The following SAMD12 variants were observed in gnomAD, a reference collection of about 807,000 sequenced individuals.
SAMD12 encodes sterile alpha motif domain containing 12.
Under a neutral mutation model 15.0 loss-of-function variants are expected in SAMD12, and 9 were observed. The ratio of observed to expected loss-of-function variants is 0.60; its 90% confidence interval spans 0.36 to 1.05. The LOEUF is 1.05. SAMD12 is among the 50% of genes least tolerant of loss of function. The pLI is 0.01. For missense variants in SAMD12, 230 were observed against 234.2 expected, an observed-to-expected ratio of 0.98 and a Z score of 0.12; for synonymous variants, 86 against 90.1, an observed-to-expected ratio of 0.96 and a Z score of 0.25.
At chr8:118,210,448 T>A (rs982284183) in intron 4 of SAMD12, among the ~76,000 whole-genome samples, 1 of 152,218 alleles carries the variant, frequency 6.6e-6, no homozygotes, top group Non-Finnish European at 1.5e-5. Flanking sequence ...TAAAGCAGTA[T>A]TCTTTGTACA....
chr8:118,401,539 TTC>T (rs1216039709), intron 3 of SAMD12, among the ~76,000 whole-genome samples: 1 of 116,198 alleles, frequency 8.6e-6, no homozygotes, highest in Non-Finnish European at 1.8e-5. Flanking sequence ...TCCCTTCTTC[TTC>T]TTTTTTTTTT....
At chr8:118,574,010 A>G (rs140329191) in intron 2 of SAMD12, among the ~76,000 whole-genome samples, 1 of 152,348 alleles carries the variant, frequency 6.6e-6, no homozygotes, top group Non-Finnish European at 1.5e-5. Flanking sequence ...TATATGCAGA[A>G]CATCAAACCA....
chr8:118,233,550 T>C (rs1361528536), intron 4 of SAMD12, among the ~76,000 whole-genome samples: 2 of 152,094 alleles, frequency 1.3e-5, no homozygotes, highest in Non-Finnish European at 2.9e-5. Context: ...ACCTGTAAAA[T>C]GAGGACATTC....
intron 3 of SAMD12, among the ~76,000 whole-genome samples, chr8:118,396,662 G>T (rs1390646384): frequency 2.0e-5 from 3 of 152,224 alleles, no homozygotes; most frequent in Non-Finnish European, 4.4e-5. Flanking sequence ...ACTAGTAATT[G>T]TCAGAGCAAA....
chr8:118,376,048 C>T (rs534044901), downstream of SAMD12, among the ~76,000 whole-genome samples: 1 of 152,088 alleles, frequency 6.6e-6, no homozygotes, highest in Non-Finnish European at 1.5e-5. Context: ...TACACCAATG[C>T]CTGGGTGTAC....
intron 4 of SAMD12, among the ~76,000 whole-genome samples, chr8:118,354,937 C>A (rs537593381): frequency 6.6e-5 from 10 of 152,290 alleles, no homozygotes; most frequent in East Asian, 1.9e-4. Context: ...ATAAATATTT[C>A]TCAGCAGAAC....
At chr8:118,434,118 T>C (rs1257706346) in intron 3 of SAMD12, among the ~76,000 whole-genome samples, 1 of 152,148 alleles carries the variant, frequency 6.6e-6, no homozygotes, top group Non-Finnish European at 1.5e-5. Flanking sequence ...CCTAAAAAGA[T>C]AGTGATTTTC....
intron 2 of SAMD12, among the ~76,000 whole-genome samples, chr8:118,564,094 T>C (rs1034047591): frequency 9.2e-5 from 14 of 152,176 alleles, no homozygotes; most frequent in Admixed American, 9.2e-4. Flanking sequence ...GATGTGTAAA[T>C]GGTAAGCCAC....
chr8:118,322,784 T>C (rs1412727240), intron 4 of SAMD12, among the ~76,000 whole-genome samples: 1 of 152,228 alleles, frequency 6.6e-6, no homozygotes. Flanking sequence ...AGTTCTTGTT[T>C]AACTGTTCAC....
the SAMD12 span, among the ~76,000 whole-genome samples, chr8:118,154,682 G>A: frequency 6.0e-4 from 92 of 152,238 alleles, no homozygotes; most frequent in African/African-American, 2.0e-3. Flanking sequence ...CTATATAGCC[G>A]TAAGAGGCAG....
chr8:118,589,447 A>T (rs1416441709), intron 1 of SAMD12, among the ~76,000 whole-genome samples: 1 of 152,244 alleles, frequency 6.6e-6, no homozygotes, highest in East Asian at 1.9e-4. Flanking sequence ...CTTAAGTTTA[A>T]TCACCACATC....
chr8:118,342,082 G>C (rs543920063), intron 4 of SAMD12, among the ~76,000 whole-genome samples: 67 of 152,270 alleles, frequency 4.4e-4, no homozygotes, highest in African/African-American at 1.6e-3. Context: ...CTGAGGTCAG[G>C]AGTTCGAGAC....
chr8:118,501,066 A>C (rs1010140661), intron 2 of SAMD12, among the ~76,000 whole-genome samples: 2 of 151,944 alleles, frequency 1.3e-5, no homozygotes, highest in East Asian at 3.9e-4. Flanking sequence ...TTTTTCTGTC[A>C]TTTCCATTTT....
At chr8:118,597,694 G>A (rs1827758061) in intron 1 of SAMD12, among the ~76,000 whole-genome samples, 2 of 152,176 alleles carry the variant, frequency 1.3e-5, no homozygotes, top group South Asian at 2.1e-4. Context: ...TAAACCCTAT[G>A]CCCTCATTTG....
chr8:118,571,098 G>C (rs764584581), intron 2 of SAMD12, among the ~76,000 whole-genome samples: 1 of 152,108 alleles, frequency 6.6e-6, no homozygotes, highest in Non-Finnish European at 1.5e-5. Flanking sequence ...ACAATAAACT[G>C]TATTGTATAA....
rs570994369 is a variant in SAMD12 at position 118,569,923 on chromosome 8, C to A, written c.192+10792G>T. The stretch of plus-strand genomic sequence containing the variant: ...ATTTGAAAACGATTTCTAATCCATA[C>A]AGCCTTGGAAATAATATTTCAGGTT... On this transcript the variant is annotated intron_variant, in intron 2 of 3. Coordinates refer to ENST00000314727, the MANE Select transcript of SAMD12 (RefSeq NM_207506.3). Among the ~76,000 whole-genome samples the A allele has an allele frequency of 1.9e-3, 282 of 152,362 alleles. 2 individuals are homozygous for A. The highest frequency in any genetic ancestry group is 5.5e-3 in the African/African-American group (227 of 41,586).
chr8:118,536,209 C>T (rs1365913359), intron 2 of SAMD12, among the ~76,000 whole-genome samples: 19 of 152,080 alleles, frequency 1.2e-4, no homozygotes, highest in Non-Finnish European at 2.9e-5. Context: ...TGTCCTCATT[C>T]CCTGCCCACA....
chr8:118,480,595 G>A (rs1020309129), intron 2 of SAMD12, among the ~76,000 whole-genome samples: 1 of 152,136 alleles, frequency 6.6e-6, no homozygotes, highest in Non-Finnish European at 1.5e-5. Context: ...ATAAACTGTT[G>A]CAATAGTCTC....
the SAMD12 span, among the ~76,000 whole-genome samples, chr8:118,144,685 AGG>A: frequency 6.6e-6 from 1 of 152,150 alleles, no homozygotes; most frequent in African/African-American, 2.4e-5. Context: ...AGGTGGGAAA[AGG>A]GAGAGAGAGA....
Sources: allele counts gnomAD v4.1 joint callset (sites outside exome capture counted in the v4.1 genomes callset), GRCh38; gene constraint gnomAD v4.1.1; transcripts MANE v1.5; gene names NCBI Gene and HGNC (gene_info 2026-07-23, HGNC 2026-07-21).